TUSC3: variants seen among roughly 807,000 people sequenced by gnomAD.
TUSC3 encodes the protein dolichyl-diphosphooligosaccharide--protein glycosyltransferase subunit TUSC3.
A neutral mutation model predicts 44.8 loss-of-function variants in TUSC3; 45 were observed. That is an observed-to-expected ratio of 1.00 (90% CI 0.79 to 1.29). TUSC3 has a LOEUF of 1.29. TUSC3 is among the 50% of genes most tolerant of loss of function. The pLI is 0.00. For missense variants in TUSC3, 519 were observed against 437.9 expected (o/e 1.19, Z -1.65); for synonymous variants, 212 against 152.9 (o/e 1.39, Z -2.85).
chr8:15,678,181 A>G (rs537756850), intron 6 of TUSC3, among the ~76,000 whole-genome samples: 2 of 152,286 alleles, frequency 1.3e-5, no homozygotes, highest in African/African-American at 4.8e-5. Context: ...TATACGCCAG[A>G]TCTCATCAGC....
intron 2 of TUSC3, among the ~76,000 whole-genome samples, chr8:15,523,407 A>T (rs1801324165): frequency 6.6e-6 from 1 of 151,822 alleles, no homozygotes; most frequent in South Asian, 2.1e-4. Context: ...TTGTGTTTTT[A>T]CTTTCTCCTT....
the TUSC3 span, among the ~76,000 whole-genome samples, chr8:15,845,027 T>C: frequency 4.6e-5 from 7 of 152,264 alleles, no homozygotes; most frequent in Admixed American, 2.0e-4. Flanking sequence ...ATGCAGTTAA[T>C]CAAATGGAAA....
intron 6 of TUSC3, among the ~76,000 whole-genome samples, chr8:15,688,288 C>T (rs940971117): frequency 6.6e-6 from 1 of 152,160 alleles, no homozygotes; most frequent in African/African-American, 2.4e-5. Context: ...ATGTACATTT[C>T]AGTAACTCAG....
In TUSC3 at chr8:15,533,709, G is replaced by C. The variant is rs79915346; in HGVS notation, n.189+50226G>C. On this transcript the variant is annotated intron_variant and non_coding_transcript_variant, in intron 2 of 5. Transcript: ENST00000503191. ...GGCTTCTGGCCAGCTTCAGTCAGGA[G>C]CACTGTCTCTTACAGGCTAAGAGTA... Among the ~76,000 whole-genome samples, 1,082 of 152,326 alleles carry C rather than the reference G, an allele frequency of 7.1e-3. 10 individuals are homozygous for C. Among genetic ancestry groups the C allele is most frequent in the African/African-American group, 0.025 (1,028 of 41,576 alleles).
chr8:15,638,574 A>C (rs1187907319), intron 2 of TUSC3, among the ~76,000 whole-genome samples: 1 of 120,540 alleles, frequency 8.3e-6, no homozygotes, highest in African/African-American at 3.3e-5. Context: ...CCCATGCTGG[A>C]GTGCAGTGGC....
At chr8:15,554,121 C>G (rs183691064) in intron 1 of TUSC3, among the ~76,000 whole-genome samples, 17 of 148,848 alleles carry the variant, frequency 1.1e-4, no homozygotes, top group African/African-American at 4.2e-4. Flanking sequence ...GACAAACGAG[C>G]TCCCTTGGAC....
intron 1 of TUSC3, among the ~76,000 whole-genome samples, chr8:15,444,680 A>C (rs1800067793): frequency 2.0e-5 from 3 of 152,226 alleles, no homozygotes; most frequent in African/African-American, 7.2e-5. Flanking sequence ...GAGGCTGACT[A>C]GAATTTGGTC....
intron 6 of TUSC3, among the ~76,000 whole-genome samples, chr8:15,715,815 C>T (rs903167979): frequency 1.3e-5 from 2 of 151,902 alleles, no homozygotes; most frequent in African/African-American, 4.8e-5. Context: ...TATGATGGAA[C>T]GATTCTCATT....
chr8:15,507,843 A>G (rs905430171), intron 2 of TUSC3, among the ~76,000 whole-genome samples: 2 of 152,152 alleles, frequency 1.3e-5, no homozygotes, highest in Non-Finnish European at 2.9e-5. Context: ...ACAAAAAAAG[A>G]TTAATGGCCT....
At chr8:15,843,198 T>C in the TUSC3 span, among the ~76,000 whole-genome samples, 4 of 152,196 alleles carry the variant, frequency 2.6e-5, no homozygotes, top group East Asian at 7.7e-4. Flanking sequence ...CTAAACTTTA[T>C]TTATGGCAAA....
intron 6 of TUSC3, among the ~76,000 whole-genome samples, chr8:15,728,453 A>AGAGG (rs137911279): frequency 8.7e-5 from 11 of 126,008 alleles, no homozygotes; most frequent in East Asian, 2.8e-4. Context: ...GGATGTGTGG[A>AGAGG]GAGGGAGGGA....
At chr8:15,517,979 C>G (rs954508185) in intron 2 of TUSC3, among the ~76,000 whole-genome samples, 2 of 125,172 alleles carry the variant, frequency 1.6e-5, no homozygotes, top group Non-Finnish European at 3.5e-5. Context: ...CCCTCAAGAA[C>G]AAACAAAAAA....
intron 6 of TUSC3, among the ~76,000 whole-genome samples, chr8:15,688,069 G>C (rs1020425810): frequency 2.6e-5 from 4 of 151,932 alleles, no homozygotes; most frequent in Non-Finnish European, 5.9e-5. Context: ...TAAACTACCT[G>C]TTAACTTTTT....
At position 15,555,783 on chromosome 8, in the gene TUSC3, T is replaced by A. The variant is rs138854859; in HGVS notation, c.138+15215T>A. On this transcript the variant is annotated intron_variant, in intron 1 of 10. Coordinates refer to ENST00000503731, the MANE Select transcript of TUSC3 (RefSeq NM_006765.4). ...AGAAGTTTAGCAACATTTGATCATTTATTCTAAGGAGGCTTTTGTTTAGAA... is the reference window on the plus strand; with the variant it reads ...AGAAGTTTAGCAACATTTGATCATTAATTCTAAGGAGGCTTTTGTTTAGAA... Among the ~76,000 whole-genome samples the A allele has an allele frequency of 3.3e-3, 505 of 151,736 alleles. 4 individuals are homozygous for A. Among genetic ancestry groups the A allele is most frequent in the African/African-American group, 0.011 (451 of 41,522 alleles).
chr8:15,787,675 A>C, the TUSC3 span, among the ~76,000 whole-genome samples: 5 of 152,362 alleles, frequency 3.3e-5, no homozygotes, highest in African/African-American at 4.8e-5. Flanking sequence ...TTCCTAGATC[A>C]AATCTTAATA....
chr8:15,644,188 A>G (rs1361310054), intron 2 of TUSC3, among the ~76,000 whole-genome samples: 1 of 152,182 alleles, frequency 6.6e-6, no homozygotes, highest in East Asian at 1.9e-4. Flanking sequence ...TTTTTTCCCC[A>G]TAATAAAATA....
the TUSC3 span, among the ~76,000 whole-genome samples, chr8:15,804,705 T>C: frequency 6.6e-6 from 1 of 152,250 alleles, no homozygotes; most frequent in Non-Finnish European, 1.5e-5. Flanking sequence ...ACCAGTACCA[T>C]GTGGTTTTGA....
intron 1 of TUSC3, among the ~76,000 whole-genome samples, chr8:15,592,319 C>G (rs1367878435): frequency 6.6e-6 from 1 of 152,178 alleles, no homozygotes; most frequent in Non-Finnish European, 1.5e-5. Flanking sequence ...GCTTATTAAG[C>G]TTTTTCTGTG....
chr8:15,759,533 A>T (rs937011580), intron 10 of TUSC3, among the ~76,000 whole-genome samples: 13 of 152,092 alleles, frequency 8.5e-5, no homozygotes, highest in Admixed American at 8.5e-4. Flanking sequence ...ACCTGTTCAG[A>T]TATTTCACAG....
Sources: gnomAD v4.1 joint callset for allele counts (sites outside exome capture counted in the v4.1 genomes callset) on GRCh38, gnomAD v4.1.1 for gene constraint, MANE v1.5 for transcripts, NCBI Gene and HGNC (gene_info 2026-07-23, HGNC 2026-07-21) for gene names.